Variants in IPO8 observed in about 807,000 individuals in gnomAD.
IPO8 encodes importin-8.
IPO8 carries 65 observed loss-of-function variants against 141.2 expected under a neutral mutation model. That is an observed-to-expected ratio of 0.46 (90% CI 0.38 to 0.57). IPO8 has a LOEUF of 0.57. IPO8 is among the 20% of genes least tolerant of loss of function. The pLI is 0.00. For missense variants in IPO8, 980 were observed against 1,246.8 expected, an observed-to-expected ratio of 0.79 and a Z score of 3.22; for synonymous variants, 411 against 420.3, an observed-to-expected ratio of 0.98 and a Z score of 0.27.
In IPO8 at chr12:30,680,573, T is replaced by C; in HGVS notation, c.548A>G (p.Gln183Arg). 6.2e-7 allele frequency: 1 copy of C among 1,612,652 alleles called. No homozygotes were observed. The highest frequency in any genetic ancestry group is 1.7e-4 in the Middle Eastern group (1 of 6,048). The change falls in exon 5 of 25, where the codon CAG becomes CGG. Residue 183 changes from glutamine to arginine, a missense_variant. By Grantham distance (43) the Gln-to-Arg change is conservative (BLOSUM62 1). Around this residue, in one of 3 missense-constraint regions of IPO8, gnomAD observed 924 missense variants for 1,153.9 expected, o/e 0.80. Coordinates refer to ENST00000256079, the MANE Select transcript of IPO8 (RefSeq NM_006390.4). ...AGGAAGGAGCTGAACAATTTGTTGCTGAATACGAGGCAGGAATATCTGCAT... is the reference window on the plus strand; with the variant it reads ...AGGAAGGAGCTGAACAATTTGTTGCCGAATACGAGGCAGGAATATCTGCAT... ...IAMQIFLPRI[Q>R]QQIVQLLPDS...
Position 30,681,722 on chromosome 12 carries a change from G to A in IPO8, c.419C>T (p.Ser140Leu). The change falls in exon 4 of 25, where the codon TCA becomes TTA. Residue 140 changes from serine (S) to leucine (L), a missense_variant. By Grantham distance (145) the Ser-to-Leu change is moderately radical. Around this residue, in one of 3 missense-constraint regions of IPO8, gnomAD observed 924 missense variants for 1,153.9 expected, o/e 0.80. Transcript: ENST00000256079. The part of the protein sequence containing the change: ...VVDKIDYYLQ[S>L]QSSASWLGSL... Reference sequence around the variant, plus strand: ...GCCAAGCCAGCTTGCACTGCTCTGTGATTGCAAGTAATAGTCTATCTTGTC... The same window carrying A: ...GCCAAGCCAGCTTGCACTGCTCTGTAATTGCAAGTAATAGTCTATCTTGTC... 1.2e-6 allele frequency: 2 copies of A among 1,613,754 alleles called. No homozygotes were observed. The highest frequency in any genetic ancestry group is 3.3e-5 in the Admixed American group (2 of 60,020).
chr12:30,639,874 A>AT (rs1565493857), intron 20 of IPO8, 139 bp from the exon 21 acceptor site: 1 of 629,726 alleles, frequency 1.6e-6, no homozygotes, highest in African/African-American at 1.8e-5. Flanking sequence ...TTTTAGAGGT[A>AT]TTTAAAAGAT....
intron 18 of IPO8, among the ~76,000 whole-genome samples, chr12:30,652,582 G>T (rs1452306408): frequency 1.3e-5 from 2 of 151,956 alleles, no homozygotes; most frequent in Non-Finnish European, 2.9e-5. Flanking sequence ...ATTTGTCTGC[G>T]TGATTCCCTA....
intron 18 of IPO8, 135 bp from the exon 19 acceptor site, chr12:30,652,424 T>C (rs2052740937): frequency 1.5e-6 from 1 of 647,922 alleles, no homozygotes; most frequent in Non-Finnish European, 2.7e-6. Context: ...GAAATGAAAG[T>C]AATAAGTCTG....
intron 4 of IPO8, 45 bp from the exon 5 acceptor site, chr12:30,680,683 A>C: frequency 6.8e-7 from 1 of 1,460,620 alleles, no homozygotes; most frequent in Non-Finnish European, 9.3e-7. Context: ...TTTCCCACCC[A>C]AAGAACCATC....
chr12:30,694,859 G>T (rs1002705178), intron 1 of IPO8: 8 of 372,888 alleles, frequency 2.1e-5, no homozygotes, highest in African/African-American at 1.5e-4. Flanking sequence ...TTAAAATTTT[G>T]AAGTGTGGGG....
In IPO8 at chr12:30,629,270, TAA is replaced by T. The variant is rs1482480023; in HGVS notation, c.*1588_*1589del. On this transcript the variant is annotated 3_prime_UTR_variant, in exon 25 of 25. Transcript: ENST00000256079. ...AATTAGACCATGTGGAACATGAGAA[TAA>T]AGAGTTTGAAAGCTCTCTAAAATTT... 1 of 152,220 alleles carries T rather than the reference TAA, an allele frequency of 6.6e-6. No homozygotes were observed. The highest frequency in any genetic ancestry group is 1.5e-5 in the Non-Finnish European group (1 of 68,034). The allele number at this position is 152,220 out of a possible 1,614,324, so 9.4% of individuals were successfully genotyped here.
chr12:30,646,583 A>T (rs893898206), intron 20 of IPO8, among the ~76,000 whole-genome samples: 1 of 152,184 alleles, frequency 6.6e-6, no homozygotes, highest in Non-Finnish European at 1.5e-5. Flanking sequence ...GTTTACAGAA[A>T]ATTCTAAAAA....
chr12:30,690,496 C>T lies in IPO8; in HGVS notation c.166G>A (p.Ala56Thr). ...TATAAAGGATAAAAAACCAACTCAC[C>T]TGCCTGTCGTACTGGGAATTCCACA... ...DHVEFPVRQA[A>T]AIYLKNMVTQ... The change falls in exon 2 of 25, where the codon GCT (alanine) becomes ACT (threonine). Residue 56 changes from alanine (A) to threonine (T), a missense_variant and splice_region_variant. Transcript: ENST00000256079. The T allele has an allele frequency of 6.4e-7, 1 of 1,570,220 alleles. No individual in the cohort carries two copies. Among genetic ancestry groups the T allele is most frequent in the Non-Finnish European group, 8.7e-7 (1 of 1,151,614 alleles).
At chr12:30,653,355 G>GT (rs1223676436) in intron 17 of IPO8, among the ~76,000 whole-genome samples, 1 of 151,788 alleles carries the variant, frequency 6.6e-6, no homozygotes, top group African/African-American at 2.4e-5. Flanking sequence ...AAAAAATAAA[G>GT]TTTTTTTCTA....
Position 30,670,414 on chromosome 12 carries a change from T to C in IPO8, c.1044+548A>G, listed in dbSNP as rs530740802. ...TATTTATTTATTAGTGGCCTATAAT[T>C]TTCCATTCCCATTTGTTCTTTAGCT... On this transcript the variant is annotated intron_variant, in intron 9 of 24. Coordinates refer to ENST00000256079, the MANE Select transcript of IPO8 (RefSeq NM_006390.4). Among the ~76,000 whole-genome samples the C allele has an allele frequency of 5.8e-4, 88 of 152,300 alleles. 2 individuals are homozygous for C. The highest frequency in any genetic ancestry group is 2.0e-3 in the African/African-American group (82 of 41,584).
At chr12:30,676,459 C>A in intron 6 of IPO8, 39 bp downstream of exon 6, 1 of 1,432,618 alleles carries the variant, frequency 7.0e-7, no homozygotes, top group Non-Finnish European at 9.8e-7. Context: ...CATTCCAAAC[C>A]CGTTTCCCCT....
intron 22 of IPO8, among the ~76,000 whole-genome samples, chr12:30,634,939 C>T (rs970041046): frequency 1.3e-5 from 2 of 152,068 alleles, no homozygotes; most frequent in African/African-American, 2.4e-5. Context: ...CCATCAACAA[C>T]GGATGAATAA....
intron 2 of IPO8, 77 bp downstream of exon 2, chr12:30,690,419 A>T: frequency 1.2e-6 from 1 of 834,266 alleles, no homozygotes. Flanking sequence ...TAAATTACAG[A>T]TATGTAAAAT....
Position 30,674,037 on chromosome 12 carries a change from C to A in IPO8, c.862G>T (p.Glu288Ter). The A allele has an allele frequency of 2.5e-6, 4 of 1,591,980 alleles. No homozygotes were observed. Among genetic ancestry groups the A allele is most frequent in the Non-Finnish European group, 3.4e-6 (4 of 1,164,108 alleles). ...GTTTTCAAAAAGAATTCAGAAAATT[C>A]AAAGTATTCTTTTGTGACATTTCCT... ...SPGNVTKEYFEFSEFFLKTYA... is the reference protein window; with the variant it reads ...SPGNVTKEYF The change falls in exon 8 of 25, where the codon GAA becomes TAA. Residue 288 changes from glutamate (E) to a stop codon, truncating the protein, a stop_gained. Coordinates refer to ENST00000256079, the MANE Select transcript of IPO8 (RefSeq NM_006390.4). LOFTEE classifies it high-confidence loss of function.
At chr12:30,659,112 C>T (rs2052845147) in intron 16 of IPO8, among the ~76,000 whole-genome samples, 1 of 152,156 alleles carries the variant, frequency 6.6e-6, no homozygotes, top group Admixed American at 6.5e-5. Flanking sequence ...GATCTCCTGA[C>T]CTCGTGATCC....
At position 30,652,293 on chromosome 12, in the gene IPO8, A is replaced by G. The variant is rs766734887; in HGVS notation, c.2075-4T>C. On this transcript the variant is annotated splice_region_variant and splice_polypyrimidine_tract_variant and intron_variant, in intron 18 of 24. Coordinates refer to ENST00000256079, the MANE Select transcript of IPO8 (RefSeq NM_006390.4). ...TTATGCAGGAGAGGCATCATGTCTGAAAAAAAATCAAAATCCCAATGAGAC... is the reference window on the plus strand; with the variant it reads ...TTATGCAGGAGAGGCATCATGTCTGGAAAAAAATCAAAATCCCAATGAGAC... 9 of 1,477,658 alleles carry G rather than the reference A, an allele frequency of 6.1e-6. No individual in the cohort carries two copies. Among genetic ancestry groups the G allele is most frequent in the Admixed American group, 1.7e-5 (1 of 57,578 alleles). The allele number at this position is 1,477,658 out of a possible 1,614,324, so 91.5% of individuals were successfully genotyped here.
At chr12:30,648,024 C>T (rs910385454) in intron 20 of IPO8, among the ~76,000 whole-genome samples, 4 of 152,140 alleles carry the variant, frequency 2.6e-5, no homozygotes, top group Admixed American at 6.5e-5. Context: ...AATGGTGCAG[C>T]TGCTTTAAAA....
At chr12:30,671,469 CGA>C (rs1395317918) in intron 8 of IPO8, among the ~76,000 whole-genome samples, 4 of 152,002 alleles carry the variant, frequency 2.6e-5, no homozygotes, top group East Asian at 3.9e-4. Context: ...GTCAGGAGAA[CGA>C]GAGCATCCTG....
Sources: gnomAD v4.1 joint callset for allele counts (sites outside exome capture counted in the v4.1 genomes callset) on GRCh38, gnomAD v4.1.1 for gene constraint, gnomAD v4.1.1 regional missense constraint, MANE v1.5 for transcripts, NCBI Gene and HGNC (gene_info 2026-07-23, HGNC 2026-07-21) for gene names.